HMCN1: variants seen among roughly 807,000 people sequenced by gnomAD.
The protein encoded by HMCN1 is hemicentin-1.
In HMCN1, 321 loss-of-function variants were observed where a neutral mutation model predicts 625.9. The observed-to-expected ratio is 0.51, with a 90% CI of 0.47 to 0.56. The LOEUF is 0.56. Ranked by LOEUF, HMCN1 falls within the 20% of genes least tolerant of loss-of-function variation. The pLI, the probability that HMCN1 is intolerant of heterozygous loss-of-function variation, is 0.00. For synonymous variants in HMCN1, 2,425 were observed against 2,417.6 expected (o/e 1.00, Z -0.09); for missense variants, 6,588 against 6,887.3 (o/e 0.96, Z 1.54).
At chr1:185,814,661 C>T (rs1229957344) in intron 1 of HMCN1, among the ~76,000 whole-genome samples, 1 of 149,152 alleles carries the variant, frequency 6.7e-6, no homozygotes, top group Non-Finnish European at 1.5e-5. Flanking sequence ...TATTTTATTG[C>T]ACTTAATATT....
Position 186,052,952 on chromosome 1 carries a change from TC to T in HMCN1, c.6584del (p.Pro2195GlnfsTer44). 6.2e-7 allele frequency: 1 copy of T among 1,600,840 alleles called. No individual in the cohort carries two copies. Among genetic ancestry groups the T allele is most frequent in the Non-Finnish European group, 8.6e-7 (1 of 1,168,772 alleles). On this transcript the variant is annotated frameshift_variant and splice_region_variant, in exon 43 of 107. Coordinates refer to ENST00000271588, the MANE Select transcript of HMCN1 (RefSeq NM_031935.3). LOFTEE classifies it high-confidence loss of function. ...TEKNYNVNIWVPPNIGGSDEL... is the reference protein window; with the variant it reads ...TEKNYNVNIWXPPNIGGSDEL... ...AAATCATATTTTTATTTTTTTCTAG[TC>T]CCCCCAAATATTGGTGGTTCTGATG...
chr1:185,954,973 A>G (rs1405950553), intron 11 of HMCN1, among the ~76,000 whole-genome samples: 1 of 152,158 alleles, frequency 6.6e-6, no homozygotes, highest in East Asian at 1.9e-4. Context: ...TTTAGAGTTC[A>G]GTGGAACTAT....
chr1:186,090,918 G>T lies in HMCN1; in HGVS notation c.9887+1G>T. ...CTAGTGGTGAAACAGAAAGAATCCG[G>T]TATGTTTAAAAATAATCTTTCCATT... On this transcript the variant is annotated splice_donor_variant, in intron 64 of 106. Coordinates refer to ENST00000271588, the MANE Select transcript of HMCN1 (RefSeq NM_031935.3). LOFTEE classifies it high-confidence loss of function. 3 of 1,611,166 alleles carry T rather than the reference G, an allele frequency of 1.9e-6. No individual in the cohort carries two copies. Among genetic ancestry groups the T allele is most frequent in the Non-Finnish European group, 2.5e-6 (3 of 1,177,886 alleles).
At chr1:185,736,759 T>C (rs1446051805) in intron 1 of HMCN1, among the ~76,000 whole-genome samples, 1 of 152,194 alleles carries the variant, frequency 6.6e-6, no homozygotes, top group Non-Finnish European at 1.5e-5. Flanking sequence ...TAGTTGACTT[T>C]CCTGTAGTTT....
intron 1 of HMCN1, among the ~76,000 whole-genome samples, chr1:185,805,752 A>G (rs916087660): frequency 6.6e-6 from 1 of 152,096 alleles, no homozygotes; most frequent in Admixed American, 6.6e-5. Context: ...ACCCTGACCC[A>G]TGCTGCACAA....
intron 1 of HMCN1, among the ~76,000 whole-genome samples, chr1:185,799,927 G>T (rs1168167028): frequency 1.3e-5 from 2 of 152,168 alleles, no homozygotes; most frequent in East Asian, 3.9e-4. Flanking sequence ...TGGGTATCAG[G>T]AGCAAAACTG....
At chr1:185,792,571 A>G (rs1658080234) in intron 1 of HMCN1, among the ~76,000 whole-genome samples, 1 of 152,220 alleles carries the variant, frequency 6.6e-6, no homozygotes, top group African/African-American at 2.4e-5. Flanking sequence ...AAAAAGTAAA[A>G]ATAAAATTTT....
intron 13 of HMCN1, among the ~76,000 whole-genome samples, chr1:185,964,115 A>C (rs1449767055): frequency 6.6e-6 from 1 of 152,148 alleles, no homozygotes; most frequent in Non-Finnish European, 1.5e-5. Context: ...GGAAGCTTCC[A>C]GGTTATGGAA....
At chr1:185,842,340 G>A (rs1009577101) in intron 1 of HMCN1, among the ~76,000 whole-genome samples, 3 of 152,208 alleles carry the variant, frequency 2.0e-5, no homozygotes, top group Non-Finnish European at 2.9e-5. Context: ...GGGATATTCA[G>A]TCTATTAAAA....
At chr1:186,062,642 A>G (rs1163790620) in intron 48 of HMCN1, 42 bp downstream of exon 48, 1 of 1,282,400 alleles carries the variant, frequency 7.8e-7, no homozygotes, top group Non-Finnish European at 1.1e-6. Context: ...CCCCCCACTC[A>G]CTGATAGTCA....
rs764866048 is a variant in HMCN1, at chr1:186,057,248, A to G, written c.7159A>G (p.Ile2387Val). The change falls in exon 46 of 107, where the codon ATA becomes GTA. Residue 2387 changes from isoleucine (I) to valine (V), a missense_variant. By Grantham distance (29) the Ile-to-Val change is conservative. Around this residue, in one of 3 missense-constraint regions of HMCN1, gnomAD observed 4,628 missense variants for 4,853.1 expected, o/e 0.95. Coordinates refer to ENST00000271588, the MANE Select transcript of HMCN1 (RefSeq NM_031935.3). ...TTGTCTTACAGCTCCTCCAAGCATCATAGGAAACCACAGGTCACCTGAAAA... is the reference window on the plus strand; with the variant it reads ...TTGTCTTACAGCTCCTCCAAGCATCGTAGGAAACCACAGGTCACCTGAAAA... ...DLSVHAPPSI[I>V]GNHRSPENIS... 5.0e-6 allele frequency: 8 copies of G among 1,611,374 alleles called. No individual in the cohort carries two copies. Among genetic ancestry groups the G allele is most frequent in the Non-Finnish European group, 5.9e-6 (7 of 1,178,086 alleles).
At chr1:185,978,497 T>C (rs1651384342) in intron 16 of HMCN1, among the ~76,000 whole-genome samples, 1 of 152,140 alleles carries the variant, frequency 6.6e-6, no homozygotes, top group Admixed American at 6.6e-5. Context: ...AGCTATTCAG[T>C]ATTCAGATAT....
chr1:185,813,247 TTAATG>T (rs1456865655), intron 1 of HMCN1, among the ~76,000 whole-genome samples: 1 of 152,142 alleles, frequency 6.6e-6, no homozygotes, highest in African/African-American at 2.4e-5. Flanking sequence ...ACAGGGTAAA[TTAATG>T]TAATCACTGA....
intron 1 of HMCN1, among the ~76,000 whole-genome samples, chr1:185,816,627 G>A (rs979524930): frequency 8.5e-5 from 13 of 152,188 alleles, no homozygotes; most frequent in African/African-American, 2.9e-4. Context: ...AAAACCAGTG[G>A]TCTGTATTGG....
At chr1:185,888,712 C>G (rs1244216282) in intron 4 of HMCN1, among the ~76,000 whole-genome samples, 2 of 146,814 alleles carry the variant, frequency 1.4e-5, no homozygotes, top group East Asian at 1.9e-4. Flanking sequence ...GTTACTGTAG[C>G]CTTGTAGTAT....
At chr1:185,948,710 T>C (rs1022594180) in intron 11 of HMCN1, among the ~76,000 whole-genome samples, 2 of 151,834 alleles carry the variant, frequency 1.3e-5, no homozygotes, top group African/African-American at 2.4e-5. Context: ...ATGGCTTGGC[T>C]TGGGCTCAGA....
rs765587529 is a variant in HMCN1 at position 186,007,291 on chromosome 1, G to A, written c.4630+9G>A. On this transcript the variant is annotated intron_variant, in intron 30 of 106. Coordinates refer to ENST00000271588, the MANE Select transcript of HMCN1 (RefSeq NM_031935.3). ...AAAACTGACTATCTATAGTAAGTGC[G>A]ATTGTCTTATGCTTTTTATTGTCTG... 25 of 1,612,344 alleles carry A rather than the reference G, an allele frequency of 1.6e-5. No homozygotes were observed. Among genetic ancestry groups the A allele is most frequent in the South Asian group, 2.2e-5 (2 of 91,054 alleles).
intron 46 of HMCN1, among the ~76,000 whole-genome samples, chr1:186,058,109 G>A (rs1657461913): frequency 6.6e-6 from 1 of 151,952 alleles, no homozygotes; most frequent in Non-Finnish European, 1.5e-5. Context: ...TCATGCTGGA[G>A]CTTTTGGGTT....
intron 78 of HMCN1, 80 bp from the exon 79 acceptor site, chr1:186,119,665 A>G: frequency 1.4e-6 from 2 of 1,406,036 alleles, no homozygotes; most frequent in Non-Finnish European, 2.0e-6. Flanking sequence ...GAATTTGGGT[A>G]TTTTTAAGCT....
Sources: gnomAD v4.1 joint callset for allele counts (sites outside exome capture counted in the v4.1 genomes callset) on GRCh38, gnomAD v4.1.1 for gene constraint, gnomAD v4.1.1 regional missense constraint, MANE v1.5 for transcripts, NCBI Gene and HGNC (gene_info 2026-07-23, HGNC 2026-07-21) for gene names.